RALYL: variants seen among roughly 807,000 people sequenced by gnomAD.
RALYL encodes the protein RALY RNA binding protein like.
RALYL carries 29 observed loss-of-function variants against 35.1 expected under a neutral mutation model. The ratio of observed to expected loss-of-function variants is 0.83; its 90% CI spans 0.61 to 1.13. The LOEUF is 1.13. Among genes scored for constraint, RALYL ranks in the 50% most tolerant of loss-of-function variants. The pLI, the probability that RALYL is intolerant of heterozygous loss-of-function variation, is 0.00. For synonymous variants in RALYL, 120 were observed against 127.6 expected, an observed-to-expected ratio of 0.94 and a Z score of 0.40; for missense variants, 359 against 360.4, an observed-to-expected ratio of 1.00 and a Z score of 0.03.
intron 8 of RALYL, among the ~76,000 whole-genome samples, chr8:84,900,469 G>A (rs550658978): frequency 1.3e-4 from 20 of 152,204 alleles, no homozygotes; most frequent in African/African-American, 4.6e-4. Flanking sequence ...CTGAGGTTGG[G>A]AGTTCAAGAC....
intron 1 of RALYL, among the ~76,000 whole-genome samples, chr8:84,448,516 A>T (rs1260955054): frequency 2.0e-5 from 3 of 152,026 alleles, no homozygotes; most frequent in Non-Finnish European, 4.4e-5. Flanking sequence ...AGAGGTGATG[A>T]AAAACCTTCA....
intron 1 of RALYL, among the ~76,000 whole-genome samples, chr8:84,347,428 G>A (rs745766933): frequency 9.2e-5 from 14 of 151,814 alleles, no homozygotes; most frequent in African/African-American, 2.4e-4. Context: ...AGATTTCTCC[G>A]TCTTCCCCTA....
chr8:84,185,000 T>G, intron 1 of RALYL: 1 of 1,613,972 alleles, frequency 6.2e-7, no homozygotes, highest in Non-Finnish European at 8.5e-7. Context: ...CTCTTCGCAA[T>G]GAGTAAACGA....
intron 2 of RALYL, among the ~76,000 whole-genome samples, chr8:84,599,458 T>A (rs1815395222): frequency 6.6e-6 from 1 of 151,954 alleles, no homozygotes; most frequent in Non-Finnish European, 1.5e-5. Flanking sequence ...CAAAAAACAA[T>A]ATAAGAAAAT....
At chr8:84,488,163 A>T (rs553620081) in intron 1 of RALYL, among the ~76,000 whole-genome samples, 14 of 152,214 alleles carry the variant, frequency 9.2e-5, no homozygotes, top group African/African-American at 3.1e-4. Flanking sequence ...CAAATATTTC[A>T]TATCTGGAAA....
At chr8:84,269,828 A>G (rs894091841) in intron 1 of RALYL, among the ~76,000 whole-genome samples, 17 of 152,284 alleles carry the variant, frequency 1.1e-4, no homozygotes, top group African/African-American at 4.1e-4. Context: ...ATATTATTAG[A>G]AAATGTATTT....
Position 84,373,507 on chromosome 8 carries a change from T to C in RALYL, c.-23-155792T>C, listed in dbSNP as rs1856332672. On this transcript the variant is annotated intron_variant, in intron 1 of 8. Transcript: ENST00000521268. ...TCCCTATTGCTTGTTTTTGTCAGCT[T>C]TGTTGAAGAGCAGATAGTTCTAAGT... 2.6e-5 allele frequency among the ~76,000 whole-genome samples: 4 copies of C among 152,152 alleles called. No individual in the cohort carries two copies. In the South Asian group the frequency reaches 8.3e-4, roughly 32 times the overall value.
intron 8 of RALYL, among the ~76,000 whole-genome samples, chr8:84,910,462 C>T (rs1847317225): frequency 6.6e-6 from 1 of 152,122 alleles, no homozygotes; most frequent in East Asian, 1.9e-4. Flanking sequence ...ATTAATTACG[C>T]TGATAGGTGT....
chr8:84,399,886 G>C (rs529181889), intron 1 of RALYL, among the ~76,000 whole-genome samples: 1 of 152,176 alleles, frequency 6.6e-6, no homozygotes. Flanking sequence ...GGCTCATGCC[G>C]TGGGTGGATC....
intron 1 of RALYL, among the ~76,000 whole-genome samples, chr8:84,292,684 G>A (rs934730075): frequency 1.8e-4 from 27 of 152,154 alleles, no homozygotes; most frequent in African/African-American, 6.5e-4. Flanking sequence ...TCTCACCAGC[G>A]CCATGACAGT....
At chr8:84,491,638 A>C (rs1226409348) in intron 1 of RALYL, among the ~76,000 whole-genome samples, 1 of 152,060 alleles carries the variant, frequency 6.6e-6, no homozygotes, top group Admixed American at 6.6e-5. Context: ...TAACGAAAAC[A>C]AAAGAAGGAA....
At chr8:84,436,413 C>T (rs1482821429) in intron 1 of RALYL, among the ~76,000 whole-genome samples, 1 of 152,018 alleles carries the variant, frequency 6.6e-6, no homozygotes, top group African/African-American at 2.4e-5. Flanking sequence ...ATAAGGCAGC[C>T]TATCCCCTTT....
chr8:84,386,994 A>G (rs1218041661), intron 1 of RALYL, among the ~76,000 whole-genome samples: 1 of 151,842 alleles, frequency 6.6e-6, no homozygotes, highest in Non-Finnish European at 1.5e-5. Flanking sequence ...GTGCTGTTAA[A>G]TTATTGGTTC....
intron 2 of RALYL, among the ~76,000 whole-genome samples, chr8:84,567,993 C>T (rs2061903350): frequency 6.6e-6 from 1 of 151,474 alleles, no homozygotes; most frequent in South Asian, 2.1e-4. Context: ...TTGTTGGCTG[C>T]TTGTGTGTTT....
intron 1 of RALYL, among the ~76,000 whole-genome samples, chr8:84,448,794 T>A (rs988232681): frequency 3.9e-5 from 6 of 152,070 alleles, no homozygotes; most frequent in Non-Finnish European, 8.8e-5. Context: ...GCTTTGAGTA[T>A]GTCCATTCCC....
intron 2 of RALYL, among the ~76,000 whole-genome samples, chr8:84,582,041 G>A (rs1810954462): frequency 6.6e-6 from 1 of 151,992 alleles, no homozygotes; most frequent in African/African-American, 2.4e-5. Context: ...GTGTCTATTG[G>A]AAACATTTAT....
intron 2 of RALYL, among the ~76,000 whole-genome samples, chr8:84,564,863 T>C (rs1475011421): frequency 6.6e-6 from 1 of 151,676 alleles, no homozygotes; most frequent in Non-Finnish European, 1.5e-5. Context: ...AAAATATTCA[T>C]ATAAAGATTC....
intron 2 of RALYL, among the ~76,000 whole-genome samples, chr8:84,695,966 C>T (rs1424213824): frequency 6.6e-6 from 1 of 151,750 alleles, no homozygotes; most frequent in African/African-American, 2.4e-5. Flanking sequence ...CAGTCATTGT[C>T]AAGGGCCATT....
chr8:84,223,162 C>CTTTCT (rs1394297925), intron 1 of RALYL, among the ~76,000 whole-genome samples: 114 of 108,882 alleles, frequency 1.0e-3, no homozygotes, highest in Middle Eastern at 5.7e-3. Flanking sequence ...CCTTTCTTTC[C>CTTTCT]TTCCTCCCTT....
Sources: allele counts gnomAD v4.1 joint callset (sites outside exome capture counted in the v4.1 genomes callset), GRCh38; gene constraint gnomAD v4.1.1; transcripts MANE v1.5; gene names NCBI Gene and HGNC (gene_info 2026-07-23, HGNC 2026-07-21).